The following IL15 variants were observed in gnomAD, a reference collection of about 807,000 sequenced individuals.
The protein encoded by IL15 is interleukin-15.
In IL15, 11 loss-of-function variants were observed where a neutral mutation model predicts 19.6. The observed-to-expected ratio is 0.56, with a 90% CI of 0.35 to 0.93. The LOEUF is 0.93. Among genes scored for constraint, IL15 ranks in the 40% least tolerant of loss-of-function variants. IL15 has a pLI of 0.01. For missense variants in IL15, 197 were observed against 186.5 expected (o/e 1.06, Z -0.33); for synonymous variants, 58 against 59.6 (o/e 0.97, Z 0.12).
rs991310665 is a variant in IL15 at position 141,703,109 on chromosome 4, C to T, written c.-99-16257C>T. 5.3e-5 allele frequency among the ~76,000 whole-genome samples: 8 copies of T among 152,180 alleles called. 1 individual carries two copies. The highest frequency in any genetic ancestry group is 3.9e-4 in the Admixed American group (6 of 15,284). On this transcript the variant is annotated intron_variant, in intron 2 of 7. Transcript: ENST00000320650. ...CCAATCTCACTCCTGAAGTGTCCTG[C>T]TATCAGCACCAGGTTTAGGTCCACA...
At position 141,720,526 on chromosome 4, in the gene IL15, C is replaced by T. The variant is rs1298355381; in HGVS notation, c.70C>T (p.His24Tyr). The change falls in exon 4 of 8, where the codon CAT (histidine) becomes TAT (tyrosine). Residue 24 changes from histidine (H) to tyrosine (Y), a missense_variant. By Grantham distance (83) the His-to-Tyr change is moderately conservative. Transcript: ENST00000320650. ...QCYLCLLLNS[H>Y]FLTEAGIHVF... ...CTACTTGTGTTTACTTCTAAACAGT[C>T]ATTTTCTAACTGAAGCTGGCATTCA... 1.9e-6 allele frequency: 3 copies of T among 1,598,094 alleles called. No homozygotes were observed. The highest frequency in any genetic ancestry group is 2.6e-6 in the Non-Finnish European group (3 of 1,165,992).
chr4:141,677,839 A>C (rs1227760236), intron 2 of IL15, among the ~76,000 whole-genome samples: 1 of 152,236 alleles, frequency 6.6e-6, no homozygotes, highest in Non-Finnish European at 1.5e-5. Context: ...TGTAACATGA[A>C]ACAATCACAG....
chr4:141,715,720 T>G (rs1484604030), intron 2 of IL15: 1 of 152,166 alleles, frequency 6.6e-6, no homozygotes, highest in East Asian at 1.9e-4. Flanking sequence ...TTTCTAGTGG[T>G]TTGAATGAAT....
At chr4:141,693,455 C>T (rs1383962147) in intron 2 of IL15, among the ~76,000 whole-genome samples, 2 of 152,166 alleles carry the variant, frequency 1.3e-5, no homozygotes, top group Admixed American at 6.5e-5. Context: ...GTGCCTGACA[C>T]ATACGGGATA....
At chr4:141,706,814 C>A (rs1729532166) in intron 2 of IL15, among the ~76,000 whole-genome samples, 1 of 151,852 alleles carries the variant, frequency 6.6e-6, no homozygotes, top group Non-Finnish European at 1.5e-5. Context: ...TGAGTTAATA[C>A]ATTTGTCTTG....
chr4:141,702,552 T>G (rs1398082737), intron 2 of IL15, among the ~76,000 whole-genome samples: 1 of 152,228 alleles, frequency 6.6e-6, no homozygotes, highest in Non-Finnish European at 1.5e-5. Context: ...GAACTTGTCA[T>G]GTGGACAGAC....
At chr4:141,638,612 A>G (rs887686249) in intron 1 of IL15, among the ~76,000 whole-genome samples, 1 of 152,218 alleles carries the variant, frequency 6.6e-6, no homozygotes. Context: ...AGCCAATGTC[A>G]ACAGCTATAT....
At chr4:141,721,260 C>T (rs1166950185) in intron 4 of IL15, 15 of 713,332 alleles carry the variant, frequency 2.1e-5, no homozygotes, top group Non-Finnish European at 3.6e-5. Context: ...ATTATTTTTC[C>T]TCAAGCTCTA....
chr4:141,693,041 A>AAAAAAAAAAAAAAAAAAAAAAC (rs1432170620), intron 2 of IL15, among the ~76,000 whole-genome samples: 1 of 148,962 alleles, frequency 6.7e-6, no homozygotes, highest in Non-Finnish European at 1.5e-5. Context: ...AAAAAAAAAA[A>AAAAAAAAAAAAAAAAAAAAAAC]AGATACTACC....
intron 1 of IL15, among the ~76,000 whole-genome samples, chr4:141,645,614 T>C (rs945277594): frequency 6.6e-6 from 1 of 152,188 alleles, no homozygotes; most frequent in Non-Finnish European, 1.5e-5. Context: ...TGTCAATTAC[T>C]AATTTCCATA....
intron 1 of IL15, 41 bp from the exon 2 acceptor site, chr4:141,656,145 A>G: frequency 2.5e-6 from 1 of 398,120 alleles, no homozygotes; most frequent in Admixed American, 4.4e-5. Context: ...TACTCAATAC[A>G]TAATTATTAA....
intron 4 of IL15, 60 bp from the exon 5 acceptor site, chr4:141,721,864 A>T: frequency 7.4e-7 from 1 of 1,351,474 alleles, no homozygotes; most frequent in Non-Finnish European, 1.0e-6. Context: ...TTTTGCTTAT[A>T]GTATTCATCA....
intron 2 of IL15, chr4:141,718,724 G>C (rs1313995882): frequency 6.6e-6 from 1 of 152,026 alleles, no homozygotes; most frequent in African/African-American, 2.4e-5. Flanking sequence ...CATGGGTTGT[G>C]GCAGATTTTG....
At chr4:141,656,336 G>C (rs1727597680) in intron 2 of IL15, 29 bp downstream of exon 2, 1 of 397,854 alleles carries the variant, frequency 2.5e-6, no homozygotes, top group Non-Finnish European at 4.4e-6. Context: ...GTTTTATCAT[G>C]CAATACAGAT....
At chr4:141,688,600 G>C (rs1160387900) in intron 2 of IL15, among the ~76,000 whole-genome samples, 1 of 152,148 alleles carries the variant, frequency 6.6e-6, no homozygotes, top group African/African-American at 2.4e-5. Flanking sequence ...CCTTTTCTCA[G>C]TGGAATTTTC....
At chr4:141,717,656 A>G (rs1384561512) in intron 2 of IL15, 1 of 151,988 alleles carries the variant, frequency 6.6e-6, no homozygotes, top group Non-Finnish European at 1.5e-5. Context: ...GAGCTATAAA[A>G]TACTTCTTTT....
intron 2 of IL15, among the ~76,000 whole-genome samples, chr4:141,706,552 A>T (rs762807447): frequency 1.3e-5 from 2 of 152,040 alleles, no homozygotes; most frequent in Non-Finnish European, 2.9e-5. Flanking sequence ...AGTAATAATG[A>T]GCCTTTCATT....
chr4:141,656,569 T>G (rs572588199), intron 2 of IL15, among the ~76,000 whole-genome samples: 1 of 152,340 alleles, frequency 6.6e-6, no homozygotes, highest in African/African-American at 2.4e-5. Flanking sequence ...AAATGCTCAC[T>G]GTCACAATGA....
chr4:141,687,826 G>A lies in IL15; in HGVS notation c.-100+31519G>A, dbSNP rs28568969. 5.3e-3 allele frequency among the ~76,000 whole-genome samples: 809 copies of A among 152,212 alleles called. 9 individuals are homozygous for A. The highest frequency in any genetic ancestry group is 0.018 in the African/African-American group (766 of 41,540). On this transcript the variant is annotated intron_variant, in intron 2 of 7. Coordinates refer to ENST00000320650, the MANE Select transcript of IL15 (RefSeq NM_000585.5). ...TGAATTTGAAATGAGTTGTGATAGA[G>A]CAAGTTTGTTTAATACCTCATGATC...
Sources: allele counts gnomAD v4.1 joint callset (sites outside exome capture counted in the v4.1 genomes callset), GRCh38; gene constraint gnomAD v4.1.1; transcripts MANE v1.5; gene names NCBI Gene and HGNC (gene_info 2026-07-23, HGNC 2026-07-21).